Variants in EXO1 observed in about 807,000 individuals in gnomAD.
EXO1 encodes exonuclease 1.
Under a neutral mutation model 84.5 loss-of-function variants are expected in EXO1, and 69 were observed. That is an observed-to-expected ratio of 0.82 (90% CI 0.67 to 1.00). The LOEUF is 1.00. EXO1 is among the 50% of genes least tolerant of loss of function. The pLI is 0.00. For synonymous variants in EXO1, 373 were observed against 366.1 expected (o/e 1.02, Z -0.21); for missense variants, 1,045 against 1,000.7 (o/e 1.04, Z -0.60).
In EXO1 at chr1:241,884,677, G is replaced by T. The variant is rs1662951362; in HGVS notation, c.2212-637G>T. 4.7e-5 allele frequency among the ~76,000 whole-genome samples: 7 copies of T among 149,158 alleles called. No homozygotes were observed. In the South Asian group the frequency reaches 1.5e-3, roughly 32 times the overall value. On this transcript the variant is annotated intron_variant, in intron 14 of 15. Coordinates refer to ENST00000366548, the MANE Select transcript of EXO1 (RefSeq NM_130398.4). Reference sequence around the variant, plus strand: ...TGTGTGTGTGTGTGTGTGTGTGTGTGCACGTGCACGTAAGTCAGTGGATGC... The same window carrying T: ...TGTGTGTGTGTGTGTGTGTGTGTGTTCACGTGCACGTAAGTCAGTGGATGC...
At chr1:241,849,711 C>T (rs576554943) in intron 3 of EXO1, among the ~76,000 whole-genome samples, 175 of 152,298 alleles carry the variant, frequency 1.1e-3, no homozygotes, top group Non-Finnish European at 2.2e-3. Flanking sequence ...TGAGTTTCTA[C>T]TCCTATTTGA....
intron 15 of EXO1, among the ~76,000 whole-genome samples, chr1:241,886,143 C>G (rs548154488): frequency 2.6e-4 from 39 of 152,306 alleles, no homozygotes; most frequent in Admixed American, 5.2e-4. Context: ...TAAGCCACCA[C>G]GCCCAGACAA....
Position 241,866,837 on chromosome 1 carries a change from A to T in EXO1, c.1049A>T (p.His350Leu), listed in dbSNP as rs766149355. 7 of 1,609,058 alleles carry T rather than the reference A, an allele frequency of 4.4e-6. No homozygotes were observed. Among genetic ancestry groups the T allele is most frequent in the African/African-American group, 1.3e-5 (1 of 74,798 alleles). Residue 350 changes from histidine to leucine, a missense_variant, in exon 11 of 16, where the codon CAT (histidine) becomes CTT (leucine). Transcript: ENST00000366548. ...TTCCTTTTCCTTTTCTAGCCTGCCC[A>T]TTCAAGAAGTCATAGTTGGGATGAC... ...DYNPDTAMPA[H>L]SRSHSWDDKT...
chr1:241,867,459 CA>C (rs980947415), intron 11 of EXO1, among the ~76,000 whole-genome samples: 100 of 152,276 alleles, frequency 6.6e-4, no homozygotes, highest in African/African-American at 2.2e-3. Flanking sequence ...GTCCCTCCCA[CA>C]ACACATAGGA....
At chr1:241,867,881 G>A (rs966761446) in intron 11 of EXO1, among the ~76,000 whole-genome samples, 3 of 151,798 alleles carry the variant, frequency 2.0e-5, no homozygotes, top group African/African-American at 7.3e-5. Context: ...CTTTTGAAAA[G>A]TTGTTTTGGC....
intron 4 of EXO1, among the ~76,000 whole-genome samples, chr1:241,850,821 AAT>A (rs1660621262): frequency 6.8e-6 from 1 of 148,032 alleles, no homozygotes; most frequent in Non-Finnish European, 1.5e-5. Flanking sequence ...AAAGACTATT[AAT>A]ATCTCCTTTA....
rs1229255594 is a variant in EXO1, at chr1:241,849,102, T to C, written c.-122-10T>C. 6.6e-6 allele frequency: 1 copy of C among 152,232 alleles called. No homozygotes were observed. Among genetic ancestry groups the C allele is most frequent in the Admixed American group, 6.5e-5 (1 of 15,276 alleles). 9.4% of individuals were successfully genotyped at this position (152,232 alleles called of 1,614,324 possible). ...GATTAACTGCTTTGTTTAAAATTCA[T>C]TCACAGCAGAACTAGTGAATCCCAG... On this transcript the variant is annotated splice_polypyrimidine_tract_variant and intron_variant, in intron 2 of 15. Transcript: ENST00000366548.
intron 11 of EXO1, among the ~76,000 whole-genome samples, chr1:241,871,533 A>G (rs779675206): frequency 1.7e-4 from 26 of 152,358 alleles, no homozygotes; most frequent in Non-Finnish European, 2.4e-4. Flanking sequence ...ATAGTGAAGT[A>G]ATAACGATCA....
At chr1:241,858,444 G>T (rs1475174389) in intron 7 of EXO1, 62 bp from the exon 8 acceptor site, 3 of 980,398 alleles carry the variant, frequency 3.1e-6, no homozygotes, top group Admixed American at 3.5e-5. Flanking sequence ...AATTATTGCA[G>T]TGGATTAGAT....
intron 5 of EXO1, among the ~76,000 whole-genome samples, chr1:241,852,958 A>T (rs1660751382): frequency 6.6e-6 from 1 of 151,694 alleles, no homozygotes; most frequent in Non-Finnish European, 1.5e-5. Flanking sequence ...TGCCTGGCCT[A>T]AAAAAAAATT....
chr1:241,877,860 T>C (rs544415325), intron 12 of EXO1, among the ~76,000 whole-genome samples: 3 of 152,316 alleles, frequency 2.0e-5, no homozygotes, highest in African/African-American at 7.2e-5. Flanking sequence ...GCTGGTAGAT[T>C]AGTATACTAC....
chr1:241,868,342 T>C (rs1235797643), intron 11 of EXO1, among the ~76,000 whole-genome samples: 1 of 134,870 alleles, frequency 7.4e-6, no homozygotes, highest in African/African-American at 2.9e-5. Flanking sequence ...CGCAGTGCAC[T>C]CCAGCCTGGG....
chr1:241,849,717 T>C (rs767573078), intron 3 of EXO1, among the ~76,000 whole-genome samples: 17 of 152,274 alleles, frequency 1.1e-4, no homozygotes, highest in Non-Finnish European at 2.5e-4. Flanking sequence ...TCTACTCCTA[T>C]TTGAATTTGC....
chr1:241,877,931 T>C (rs1389779232), intron 12 of EXO1, among the ~76,000 whole-genome samples: 1 of 152,196 alleles, frequency 6.6e-6, no homozygotes, highest in East Asian at 1.9e-4. Flanking sequence ...AAATAGCTAA[T>C]TTCTTTAATT....
intron 14 of EXO1, among the ~76,000 whole-genome samples, chr1:241,884,746 C>T (rs910205791): frequency 2.0e-5 from 3 of 151,896 alleles, no homozygotes; most frequent in African/African-American, 7.3e-5. Flanking sequence ...AGGGAGGCAG[C>T]GAGAGACATT....
At chr1:241,855,306 C>G (rs957919100) in intron 6 of EXO1, among the ~76,000 whole-genome samples, 5 of 152,196 alleles carry the variant, frequency 3.3e-5, no homozygotes, top group Non-Finnish European at 5.9e-5. Context: ...GATACAGTGT[C>G]TACACAAAGG....
Position 241,880,788 on chromosome 1 carries a change from A to G in EXO1, c.2110-1128A>G, listed in dbSNP as rs375323258. On this transcript the variant is annotated intron_variant, in intron 13 of 15. Transcript: ENST00000366548. ...CTATAGTTCAGAAGAAAATGCTTCA[A>G]TATTTGAGCCTTCTGTCGGTAGTTC... is the stretch of plus-strand genomic sequence containing the variant. Among the ~76,000 whole-genome samples, 9 of 152,284 alleles carry G rather than the reference A, an allele frequency of 5.9e-5. 1 individual carries two copies. Among genetic ancestry groups the G allele is most frequent in the African/African-American group, 1.7e-4 (7 of 41,574 alleles).
At chr1:241,889,404 TA>T in intron 15 of EXO1, 60 bp from the exon 16 acceptor site, 2 of 1,475,134 alleles carry the variant, frequency 1.4e-6, no homozygotes, top group Non-Finnish European at 1.9e-6. Context: ...CCAGGTAGAA[TA>T]TTTCTTCTCT....
intron 15 of EXO1, among the ~76,000 whole-genome samples, chr1:241,887,998 C>T (rs1167900977): frequency 6.6e-6 from 1 of 152,172 alleles, no homozygotes; most frequent in Non-Finnish European, 1.5e-5. Flanking sequence ...CATGCTTTTA[C>T]TTGAGGTAAA....
Sources: gnomAD v4.1 joint callset for allele counts (sites outside exome capture counted in the v4.1 genomes callset) on GRCh38, gnomAD v4.1.1 for gene constraint, MANE v1.5 for transcripts, NCBI Gene and HGNC (gene_info 2026-07-23, HGNC 2026-07-21) for gene names.